The following PATJ variants were observed in gnomAD, a reference collection of about 807,000 sequenced individuals.
PATJ encodes PATJ crumbs cell polarity complex component.
Under a neutral mutation model 224.9 loss-of-function variants are expected in PATJ, and 190 were observed. The observed-to-expected ratio is 0.84, with a 90% CI of 0.75 to 0.95. The LOEUF is 0.95. Ranked by LOEUF, PATJ falls within the 40% of genes least tolerant of loss-of-function variation. PATJ has a pLI of 0.00. For synonymous variants in PATJ, 769 were observed against 820.3 expected, an observed-to-expected ratio of 0.94 and a Z score of 1.07; for missense variants, 2,121 against 2,270.3, an observed-to-expected ratio of 0.93 and a Z score of 1.34.
At chr1:61,823,211 C>A (rs1368740901) in intron 15 of PATJ, 132 bp downstream of exon 15, 17 of 826,386 alleles carry the variant, frequency 2.1e-5, no homozygotes, top group South Asian at 9.2e-5. Flanking sequence ...ATTGAAAAAA[C>A]CGAACAGCTT....
chr1:61,889,110 A>T (rs1177095011), intron 22 of PATJ, among the ~76,000 whole-genome samples: 1 of 152,198 alleles, frequency 6.6e-6, no homozygotes, highest in Non-Finnish European at 1.5e-5. Context: ...ATTATTTTAG[A>T]TGATAGTCTT....
At chr1:61,835,840 C>A (rs538709182) in intron 17 of PATJ, among the ~76,000 whole-genome samples, 1 of 152,098 alleles carries the variant, frequency 6.6e-6, no homozygotes, top group African/African-American at 2.4e-5. Context: ...TGTTAATAAT[C>A]GATTTTGATA....
In PATJ at chr1:62,128,833, A is replaced by G. The variant is rs1192793657; in HGVS notation, c.5167-8A>G. 3.8e-6 allele frequency: 6 copies of G among 1,576,786 alleles called. No homozygotes were observed. The highest frequency in any genetic ancestry group is 5.2e-6 in the Non-Finnish European group (6 of 1,146,668). ...GATAGTGATTTTCTGTCATTTTTGT[A>G]CTTCCAGGTTGGAGATCGGATTGTC... On this transcript the variant is annotated splice_polypyrimidine_tract_variant and splice_region_variant and intron_variant, in intron 40 of 43. Coordinates refer to ENST00000642238, the MANE Select transcript of PATJ (RefSeq NM_001350145.3).
chr1:61,894,270 C>CAAAAA (rs71050178), intron 22 of PATJ, among the ~76,000 whole-genome samples: 383 of 148,656 alleles, frequency 2.6e-3, no homozygotes, highest in Non-Finnish European at 3.9e-3. Flanking sequence ...AAAAAAAAAA[C>CAAAAA]ACAAAAAAAA....
intron 22 of PATJ, among the ~76,000 whole-genome samples, chr1:61,887,628 G>C (rs1002460787): frequency 6.6e-6 from 1 of 152,120 alleles, no homozygotes; most frequent in African/African-American, 2.4e-5. Context: ...TGAAGAGGAG[G>C]TTCAGAGAAC....
chr1:61,977,506 A>C (rs1200796510), intron 27 of PATJ, among the ~76,000 whole-genome samples: 1 of 151,760 alleles, frequency 6.6e-6, no homozygotes, highest in East Asian at 1.9e-4. Context: ...AATTTTAAAA[A>C]GAAGATTAAA....
chr1:61,887,449 G>A (rs1669047627), intron 22 of PATJ, among the ~76,000 whole-genome samples: 1 of 152,238 alleles, frequency 6.6e-6, no homozygotes, highest in South Asian at 2.1e-4. Flanking sequence ...GGCATTAAAA[G>A]GAAAGGTGTT....
intron 29 of PATJ, among the ~76,000 whole-genome samples, chr1:62,029,126 G>A (rs1175955859): frequency 6.6e-6 from 1 of 152,178 alleles, no homozygotes; most frequent in Non-Finnish European, 1.5e-5. Context: ...GGAAAGGTAA[G>A]ACCTTCAACT....
rs377767122 is a variant in PATJ, at chr1:62,138,342, C to CT, written c.5271+9398dup. 5.1e-3 allele frequency among the ~76,000 whole-genome samples: 779 copies of CT among 152,266 alleles called. 8 individuals are homozygous for CT. The highest frequency in any genetic ancestry group is 0.018 in the African/African-American group (734 of 41,562). On this transcript the variant is annotated intron_variant, in intron 41 of 43. Coordinates refer to ENST00000642238, the MANE Select transcript of PATJ (RefSeq NM_001350145.3). ...TGTTTGTTTGAGACAGAGTCTCACTCTGTCACCCAGGTTGGAATGCAGTGG... is the reference window on the plus strand; with the variant it reads ...TGTTTGTTTGAGACAGAGTCTCACTCTTGTCACCCAGGTTGGAATGCAGTGG...
At chr1:62,129,778 T>C (rs1376878197) in intron 41 of PATJ, among the ~76,000 whole-genome samples, 1 of 151,860 alleles carries the variant, frequency 6.6e-6, no homozygotes, top group Non-Finnish European at 1.5e-5. Context: ...CCGTCTCTGC[T>C]AAAAGTACAA....
chr1:61,904,483 C>G (rs907184826), intron 24 of PATJ, among the ~76,000 whole-genome samples: 1 of 152,182 alleles, frequency 6.6e-6, no homozygotes, highest in Non-Finnish European at 1.5e-5. Flanking sequence ...GTGTTTGTAG[C>G]TCTATACAGT....
At chr1:62,000,707 A>G (rs1283011337) in intron 28 of PATJ, among the ~76,000 whole-genome samples, 1 of 150,940 alleles carries the variant, frequency 6.6e-6, no homozygotes, top group Non-Finnish European at 1.5e-5. Flanking sequence ...CTTTGGGTAT[A>G]TACCCAGTAA....
intron 21 of PATJ, among the ~76,000 whole-genome samples, chr1:61,879,730 C>T (rs944034128): frequency 6.6e-6 from 1 of 151,826 alleles, no homozygotes; most frequent in African/African-American, 2.4e-5. Context: ...CCCTCTTTTT[C>T]ATCAAGCCTC....
intron 1 of PATJ, among the ~76,000 whole-genome samples, chr1:61,761,299 A>G (rs1370436730): frequency 6.6e-6 from 1 of 152,064 alleles, no homozygotes; most frequent in Non-Finnish European, 1.5e-5. Flanking sequence ...TGATAAGTAT[A>G]TACATCTGTG....
At chr1:61,755,878 C>T (rs563266799) in intron 1 of PATJ, among the ~76,000 whole-genome samples, 127 of 152,062 alleles carry the variant, frequency 8.4e-4, no homozygotes, top group African/African-American at 3.0e-3. Context: ...CTCGGCTCAC[C>T]GCAATCTCTG....
At chr1:61,909,215 A>G (rs1672268541) in intron 25 of PATJ, among the ~76,000 whole-genome samples, 1 of 152,118 alleles carries the variant, frequency 6.6e-6, no homozygotes, top group Admixed American at 6.6e-5. Context: ...CCTGACCTCA[A>G]GTGATCTGCG....
intron 27 of PATJ, among the ~76,000 whole-genome samples, chr1:61,966,349 G>A (rs540886423): frequency 6.6e-6 from 1 of 152,204 alleles, no homozygotes; most frequent in East Asian, 1.9e-4. Flanking sequence ...CCCCAAGGGA[G>A]GGTTCTTGGA....
At chr1:62,084,025 G>A (rs920663259) in intron 32 of PATJ, among the ~76,000 whole-genome samples, 40 of 152,116 alleles carry the variant, frequency 2.6e-4, no homozygotes, top group African/African-American at 6.8e-4. Flanking sequence ...AGGCCAAGGC[G>A]GGCGGATCAC....
chr1:62,102,680 C>G (rs1323152938), intron 33 of PATJ, among the ~76,000 whole-genome samples: 2 of 151,762 alleles, frequency 1.3e-5, no homozygotes, highest in Non-Finnish European at 2.9e-5. Context: ...AGGCAAAACC[C>G]TGTCTCTACA....
Sources: gnomAD v4.1 joint callset for allele counts (sites outside exome capture counted in the v4.1 genomes callset) on GRCh38, gnomAD v4.1.1 for gene constraint, MANE v1.5 for transcripts, NCBI Gene and HGNC (gene_info 2026-07-23, HGNC 2026-07-21) for gene names.